The following NUP214 variants were observed in gnomAD, a reference collection of about 807,000 sequenced individuals.
NUP214 encodes nuclear pore complex protein Nup214.
A neutral mutation model predicts 196.2 loss-of-function variants in NUP214; 79 were observed. The ratio of observed to expected loss-of-function variants is 0.40; its 90% CI spans 0.34 to 0.49. NUP214 has a LOEUF of 0.49. NUP214 is among the 20% of genes least tolerant of loss of function. The probability of loss-of-function intolerance (pLI) is 0.58; values close to 1 mark genes in which losing one functional copy is unlikely to be tolerated. For missense variants in NUP214, 2,468 were observed against 2,539.0 expected (o/e 0.97, Z 0.60); for synonymous variants, 1,020 against 990.5 (o/e 1.03, Z -0.56).
chr9:131,128,909 A>G (rs1188869606), intron 3 of NUP214: 44 of 327,836 alleles, frequency 1.3e-4, no homozygotes, highest in Admixed American at 9.6e-5. Flanking sequence ...AGTAGGTACT[A>G]TTATCTTCAT....
chr9:131,162,969 C>A (rs766672647), intron 18 of NUP214, 22 bp from the exon 19 acceptor site: 2 of 1,612,854 alleles, frequency 1.2e-6, no homozygotes, highest in East Asian at 4.5e-5. Context: ...ATGTTTAATT[C>A]TTTTCTCATT....
In NUP214 at chr9:131,144,572, C is replaced by T; in HGVS notation, c.1587C>T (p.Ser529=). 2.5e-6 allele frequency: 4 copies of T among 1,614,128 alleles called. No individual in the cohort carries two copies. The highest frequency in any genetic ancestry group is 3.4e-6 in the Non-Finnish European group (4 of 1,180,004). ...CTTTTGTTCCCCCTTCTAAAGCCTC[C>T]CTAGCCCCCACCCCTGCAGCGTCTC... The part of the protein sequence containing the change: ...TFSFVPPSKA[S]LAPTPAASPV... Residue 529 remains serine (S), a synonymous_variant, in exon 12 of 36, where the codon TCC becomes TCT. Coordinates refer to ENST00000359428, the MANE Select transcript of NUP214 (RefSeq NM_005085.4).
At chr9:131,184,026 C>CTTTTTTTTTTTTTTTTTTTTTTT (rs776765956) in intron 24 of NUP214, among the ~76,000 whole-genome samples, 15 of 104,358 alleles carry the variant, frequency 1.4e-4, no homozygotes, top group South Asian at 3.3e-4. Context: ...TTTTCTTTTT[C>CTTTTTTTTTTTTTTTTTTTTTTT]TTTTTTTTTT....
At chr9:131,233,254 T>G (rs1834927173) in intron 35 of NUP214, among the ~76,000 whole-genome samples, 200 bp from the exon 36 acceptor site, 1 of 151,998 alleles carries the variant, frequency 6.6e-6, no homozygotes, top group Non-Finnish European at 1.5e-5. Flanking sequence ...AAGAAGCACT[T>G]GAGCCCGAGA....
chr9:131,169,842 G>T (rs1023020743), intron 21 of NUP214, among the ~76,000 whole-genome samples: 1 of 152,156 alleles, frequency 6.6e-6, no homozygotes, highest in Non-Finnish European at 1.5e-5. Context: ...CTGGTCTATG[G>T]TTGTAGTTTT....
chr9:131,166,671 G>A (rs1236497459), intron 21 of NUP214, among the ~76,000 whole-genome samples: 6 of 151,978 alleles, frequency 3.9e-5, no homozygotes, highest in Non-Finnish European at 5.9e-5. Context: ...GAATATTGCC[G>A]TTTTTTAGAA....
chr9:131,139,421 G>T lies in NUP214; in HGVS notation c.1132+14G>T, dbSNP rs1245447718. 1 of 1,600,122 alleles carries T rather than the reference G, an allele frequency of 6.2e-7. No individual in the cohort carries two copies. The highest frequency in any genetic ancestry group is 1.8e-5 in the Admixed American group (1 of 56,458). ...AAATCACCATCAGTAAGTGTAGCCT[G>T]GTAGTTAGTGCAGAAATAGTCTTCT... On this transcript the variant is annotated intron_variant, in intron 10 of 35. Transcript: ENST00000359428.
intron 30 of NUP214, among the ~76,000 whole-genome samples, chr9:131,207,139 A>G (rs956362605): frequency 6.6e-6 from 1 of 152,240 alleles, no homozygotes; most frequent in African/African-American, 2.4e-5. Context: ...CACTGCCATA[A>G]TAACACCAAG....
At position 131,132,348 on chromosome 9, in the gene NUP214, A is replaced by C. The variant is rs1156729450; in HGVS notation, c.664-248A>C. ...AGGCTAGTCTCGAACTCCTGACCTCAGGTGATCCACCTGCCTCGGCCTCCC... is the reference window on the plus strand; with the variant it reads ...AGGCTAGTCTCGAACTCCTGACCTCCGGTGATCCACCTGCCTCGGCCTCCC... On this transcript the variant is annotated intron_variant, in intron 5 of 35. Transcript: ENST00000359428. Among the ~76,000 whole-genome samples, 8 of 151,982 alleles carry C rather than the reference A, an allele frequency of 5.3e-5. No homozygotes were observed. The South Asian group carries it at 1.7e-3, about 31-fold the overall frequency.
At chr9:131,160,490 T>C (rs1467600407) in intron 18 of NUP214, among the ~76,000 whole-genome samples, 1 of 152,200 alleles carries the variant, frequency 6.6e-6, no homozygotes, top group African/African-American at 2.4e-5. Context: ...AGCCACATAT[T>C]TTCCACAAGG....
At chr9:131,129,163 A>AG in intron 3 of NUP214, 116 bp from the exon 4 acceptor site, 1 of 852,776 alleles carries the variant, frequency 1.2e-6, no homozygotes, top group South Asian at 1.7e-5. Context: ...ATGGTTATGG[A>AG]GAAAAATAAA....
At position 131,125,737 on chromosome 9, in the gene NUP214, G is replaced by C. The variant is rs1427022257; in HGVS notation, c.33G>C (p.Glu11Asp). The C allele has an allele frequency of 6.4e-7, 1 of 1,552,496 alleles. No individual in the cohort carries two copies. Among genetic ancestry groups the C allele is most frequent in the East Asian group, 2.4e-5 (1 of 40,908 alleles). The change falls in exon 1 of 36, where the codon GAG becomes GAC. Residue 11 changes from glutamate to aspartate, a missense_variant. Glu to Asp is a conservative substitution (Grantham distance 45, BLOSUM62 2). Around this residue, in one of 5 missense-constraint regions of NUP214, gnomAD observed 392 missense variants for 417.9 expected, o/e 0.94. Coordinates refer to ENST00000359428, the MANE Select transcript of NUP214 (RefSeq NM_005085.4). This position sits in a 1 kb window ranked among gnomAD's most constrained non-coding sequence, Gnocchi z 4.1. ...ACGAGATGGATGCCATGATTCCCGA[G>C]CGGGAGATGAAGGTCAGAGACTAAC... MGDEMDAMIPEREMKDFQFRA... is the reference protein window; with the variant it reads MGDEMDAMIPDREMKDFQFRA...
intron 18 of NUP214, among the ~76,000 whole-genome samples, chr9:131,161,590 C>T (rs1183977501): frequency 6.6e-6 from 1 of 152,130 alleles, no homozygotes; most frequent in African/African-American, 2.4e-5. Flanking sequence ...TGTTGAACTA[C>T]CTTGTTACCA....
chr9:131,143,241 T>C (rs1831978805), intron 11 of NUP214, among the ~76,000 whole-genome samples: 1 of 152,178 alleles, frequency 6.6e-6, no homozygotes, highest in Non-Finnish European at 1.5e-5. Context: ...ACTCCTGGAC[T>C]CAAAGGGTCC....
intron 30 of NUP214, among the ~76,000 whole-genome samples, chr9:131,204,178 CA>C (rs1278714724): frequency 1.3e-5 from 2 of 152,224 alleles, no homozygotes; most frequent in African/African-American, 4.8e-5. Flanking sequence ...ATCACCTTTG[CA>C]CAGACTACCT....
Position 131,212,271 on chromosome 9 carries a change from C to T in NUP214, c.5593-2941C>T, listed in dbSNP as rs367994200. 4.6e-5 allele frequency among the ~76,000 whole-genome samples: 7 copies of T among 152,326 alleles called. 1 individual carries two copies. Among genetic ancestry groups the T allele is most frequent in the East Asian group, 1.9e-4 (1 of 5,188 alleles). On this transcript the variant is annotated intron_variant, in intron 30 of 35. Coordinates refer to ENST00000359428, the MANE Select transcript of NUP214 (RefSeq NM_005085.4). ...CACTGATAATGCATGCCCAGTGGGA[C>T]ATGAAACTTCATCAGCAATTCTAAT... is the stretch of plus-strand genomic sequence containing the variant.
intron 7 of NUP214, 137 bp from the exon 8 acceptor site, chr9:131,134,761 A>T (rs1037240647): frequency 3.1e-6 from 2 of 641,180 alleles, no homozygotes; most frequent in Non-Finnish European, 2.7e-6. Flanking sequence ...TGCTGCCTTT[A>T]TACCATGTCC....
intron 30 of NUP214, among the ~76,000 whole-genome samples, chr9:131,208,804 CAA>C (rs1588168643): frequency 6.7e-6 from 1 of 149,866 alleles, no homozygotes; most frequent in African/African-American, 2.5e-5. Context: ...TATCATGAGT[CAA>C]GAGATGGAGA....
rs1831406599 is a variant in NUP214, at chr9:131,127,719, G to C, written c.241G>C (p.Val81Leu). 3 of 1,610,796 alleles carry C rather than the reference G, an allele frequency of 1.9e-6. No homozygotes were observed. The East Asian group carries it at 6.7e-5, about 36-fold the overall frequency. ...NKPGDDPNKI[V>L]DKVQGLLVPM... ...ACCCGGAGATGATCCCAACAAAATAGGTAAGTTCCCTGGTTTATGTTGCAA... is the reference window on the plus strand; with the variant it reads ...ACCCGGAGATGATCCCAACAAAATACGTAAGTTCCCTGGTTTATGTTGCAA... Residue 81 changes from valine (V) to leucine (L), a missense_variant and splice_region_variant, in exon 2 of 36, where the codon GTT becomes CTT. Val to Leu is a conservative substitution (Grantham distance 32). Coordinates refer to ENST00000359428, the MANE Select transcript of NUP214 (RefSeq NM_005085.4).
Sources: gnomAD v4.1 joint callset for allele counts (sites outside exome capture counted in the v4.1 genomes callset) on GRCh38, gnomAD v4.1.1 for gene constraint, gnomAD v4.1.1 regional missense constraint, Gnocchi (gnomAD v3.1) non-coding constraint, MANE v1.5 for transcripts, NCBI Gene and HGNC (gene_info 2026-07-23, HGNC 2026-07-21) for gene names.